Variants in MAGI1 observed in about 807,000 individuals in gnomAD.
MAGI1 encodes membrane-associated guanylate kinase, WW and PDZ domain-containing protein 1.
Under a neutral mutation model 139.9 loss-of-function variants are expected in MAGI1, and 58 were observed. The observed-to-expected ratio is 0.41, with a 90% CI of 0.34 to 0.52. MAGI1 has a LOEUF of 0.52. MAGI1 is among the 20% of genes least tolerant of loss of function. The pLI, the probability that MAGI1 is intolerant of heterozygous loss-of-function variation, is 0.12. For synonymous variants in MAGI1, 812 were observed against 737.9 expected (o/e 1.10, Z -1.63); for missense variants, 1,874 against 1,901.6 (o/e 0.99, Z 0.27).
chr3:66,027,352 G>A (rs1255001035), intron 1 of MAGI1, among the ~76,000 whole-genome samples: 1 of 152,012 alleles, frequency 6.6e-6, no homozygotes, highest in East Asian at 1.9e-4. Flanking sequence ...CACCCAGGGT[G>A]GAGTGCAGTG....
chr3:65,514,762 G>A (rs2077775695), intron 2 of MAGI1, among the ~76,000 whole-genome samples: 1 of 115,168 alleles, frequency 8.7e-6, no homozygotes, highest in African/African-American at 2.8e-5. Context: ...GATTCCTCAG[G>A]GATCTAGAAT....
At chr3:65,458,486 T>C (rs550751489) in intron 5 of MAGI1, among the ~76,000 whole-genome samples, 2 of 152,192 alleles carry the variant, frequency 1.3e-5, no homozygotes, top group East Asian at 3.9e-4. Flanking sequence ...TTATTGCCTG[T>C]CTTTTGGATA....
intron 1 of MAGI1, among the ~76,000 whole-genome samples, chr3:65,802,372 A>T (rs1300769729): frequency 2.0e-5 from 3 of 152,196 alleles, no homozygotes; most frequent in Non-Finnish European, 4.4e-5. Context: ...AGATGGAGGC[A>T]ACTCTCCATT....
At chr3:65,400,606 A>C (rs1559524433) in intron 13 of MAGI1, among the ~76,000 whole-genome samples, 1 of 152,160 alleles carries the variant, frequency 6.6e-6, no homozygotes. Flanking sequence ...TGAGTTAAGC[A>C]GCATTTTAAT....
chr3:65,895,568 C>T (rs1023941436), intron 1 of MAGI1, among the ~76,000 whole-genome samples: 11 of 152,166 alleles, frequency 7.2e-5, no homozygotes, highest in Non-Finnish European at 1.3e-4. Flanking sequence ...TACAAAGACT[C>T]TTTATATGAT....
At position 65,734,790 on chromosome 3, in the gene MAGI1, G is replaced by A. The variant is rs1194728486; in HGVS notation, c.314-112702C>T. On this transcript the variant is annotated intron_variant, in intron 1 of 22. Transcript: ENST00000402939. The stretch of plus-strand genomic sequence containing the variant: ...GTATGGATTTATTATAAATTTCCAG[G>A]GAAGCTAAATCCAGTGTCACATCTA... Among the ~76,000 whole-genome samples the A allele has an allele frequency of 2.0e-5, 3 of 151,400 alleles. No homozygotes were observed. In the East Asian group the frequency reaches 5.9e-4, roughly 30 times the overall value.
intron 1 of MAGI1, among the ~76,000 whole-genome samples, chr3:66,005,865 T>C (rs1363724314): frequency 6.6e-6 from 1 of 152,090 alleles, no homozygotes; most frequent in Non-Finnish European, 1.5e-5. Context: ...GAAAGGGCAC[T>C]TAGGAAGGGC....
chr3:65,866,177 T>A (rs2059717491), intron 1 of MAGI1, among the ~76,000 whole-genome samples: 1 of 151,244 alleles, frequency 6.6e-6, no homozygotes, highest in Non-Finnish European at 1.5e-5. Flanking sequence ...AGAATAACTG[T>A]GGCTGGGGGA....
chr3:65,474,413 T>A (rs1380951212), intron 4 of MAGI1, among the ~76,000 whole-genome samples: 1 of 152,266 alleles, frequency 6.6e-6, no homozygotes, highest in Admixed American at 6.5e-5. Flanking sequence ...GGAACCTGGT[T>A]TTCCCATTGT....
chr3:65,511,215 G>C, intron 2 of MAGI1, among the ~76,000 whole-genome samples: 1 of 150,648 alleles, frequency 6.6e-6, no homozygotes, highest in Non-Finnish European at 1.5e-5. Context: ...AAAATGTAAA[G>C]ACCATCAAGA....
chr3:65,447,135 T>C (rs1948729095), intron 7 of MAGI1, among the ~76,000 whole-genome samples: 1 of 152,192 alleles, frequency 6.6e-6, no homozygotes, highest in Non-Finnish European at 1.5e-5. Context: ...ACTTAAACAA[T>C]CTTCAATTGC....
chr3:65,885,897 G>A (rs570097920), intron 1 of MAGI1, among the ~76,000 whole-genome samples: 18 of 152,104 alleles, frequency 1.2e-4, no homozygotes, highest in Non-Finnish European at 2.4e-4. Context: ...GCTTATAGGT[G>A]GCATCTGTCT....
At chr3:65,842,780 C>T (rs572177052) in intron 1 of MAGI1, among the ~76,000 whole-genome samples, 1 of 152,322 alleles carries the variant, frequency 6.6e-6, no homozygotes, top group East Asian at 1.9e-4. Context: ...TCAGAGCCAA[C>T]AGGGCGCTTC....
intron 1 of MAGI1, among the ~76,000 whole-genome samples, chr3:66,007,858 C>A (rs1272721085): frequency 6.6e-6 from 1 of 150,550 alleles, no homozygotes; most frequent in African/African-American, 2.4e-5. Context: ...GTGCCCCACA[C>A]ACTAGTCCTC....
At chr3:65,760,147 C>A (rs1355081213) in intron 1 of MAGI1, among the ~76,000 whole-genome samples, 1 of 149,044 alleles carries the variant, frequency 6.7e-6, no homozygotes, top group Non-Finnish European at 1.5e-5. Flanking sequence ...TTGTCTTCAA[C>A]TTCCTCCTCC....
At chr3:65,857,867 G>A (rs562264236) in intron 1 of MAGI1, among the ~76,000 whole-genome samples, 2 of 152,210 alleles carry the variant, frequency 1.3e-5, no homozygotes, top group Admixed American at 6.5e-5. Flanking sequence ...AGGTAGGAAG[G>A]CAAGAAGGGG....
intron 2 of MAGI1, among the ~76,000 whole-genome samples, chr3:65,580,969 T>C (rs1375739111): frequency 6.6e-6 from 1 of 152,196 alleles, no homozygotes; most frequent in Non-Finnish European, 1.5e-5. Flanking sequence ...CCCATCTCAG[T>C]AACGGATGAC....
At chr3:65,597,920 G>A (rs2082297590) in intron 2 of MAGI1, 2 of 408,952 alleles carry the variant, frequency 4.9e-6, no homozygotes, top group Non-Finnish European at 9.6e-6. Flanking sequence ...AAAGAGAGGC[G>A]GGGGTGGGGG....
At chr3:65,946,186 C>T (rs1267854815) in intron 1 of MAGI1, among the ~76,000 whole-genome samples, 1 of 152,160 alleles carries the variant, frequency 6.6e-6, no homozygotes, top group African/African-American at 2.4e-5. Flanking sequence ...GCATGCCCTC[C>T]CAGGGCACTA....
Sources: allele counts gnomAD v4.1 joint callset (sites outside exome capture counted in the v4.1 genomes callset), GRCh38; gene constraint gnomAD v4.1.1; transcripts MANE v1.5; gene names NCBI Gene and HGNC (gene_info 2026-07-23, HGNC 2026-07-21).